Variants in VPS35L observed in about 807,000 individuals in gnomAD.
VPS35L encodes the protein VPS35 endosomal protein-sorting factor-like.
A neutral mutation model predicts 133.0 loss-of-function variants in VPS35L; 83 were observed. The observed-to-expected ratio is 0.62, with a 90% CI of 0.52 to 0.75. The LOEUF (loss-of-function observed/expected upper bound fraction) is 0.75, where lower values mean the gene tolerates loss of function less well. Among genes scored for constraint, VPS35L ranks in the 30% least tolerant of loss-of-function variants. VPS35L has a pLI of 0.00. For missense variants in VPS35L, 1,083 were observed against 1,206.8 expected, an observed-to-expected ratio of 0.90 and a Z score of 1.52; for synonymous variants, 423 against 449.9, an observed-to-expected ratio of 0.94 and a Z score of 0.76.
chr16:19,677,015 C>T (rs1975085724), intron 27 of VPS35L, among the ~76,000 whole-genome samples: 2 of 151,880 alleles, frequency 1.3e-5, no homozygotes, highest in Non-Finnish European at 2.9e-5. Context: ...AGTTCGAGAC[C>T]AGCCTGGGCA....
chr16:19,601,745 G>A (rs1347299285), intron 9 of VPS35L, 22 bp downstream of exon 9: 2 of 1,613,304 alleles, frequency 1.2e-6, no homozygotes, highest in Non-Finnish European at 1.7e-6. Context: ...GCTGTTCCTG[G>A]GGTGTCATTC....
At chr16:19,689,374 G>A (rs550382615) in intron 28 of VPS35L, among the ~76,000 whole-genome samples, 53 of 151,510 alleles carry the variant, frequency 3.5e-4, no homozygotes, top group African/African-American at 1.2e-3. Context: ...GCGTTCAAGC[G>A]ATTCTCCTGC....
chr16:19,564,758 TA>T, intron 1 of VPS35L, 92 bp from the exon 2 acceptor site: 1 of 876,090 alleles, frequency 1.1e-6, no homozygotes, highest in South Asian at 1.5e-5. Flanking sequence ...TGTGCTGTTC[TA>T]AACTACCTTG....
rs545631410 is a variant in VPS35L, at chr16:19,584,872, G to T, written c.639+3219G>T. On this transcript the variant is annotated intron_variant, in intron 7 of 30. Transcript: ENST00000417362. ...ATGCCCAGCCTATTTTTGTCTTTTT[G>T]ATAGTAGTCATTTTCATGTGGTTTT... is the stretch of plus-strand genomic sequence containing the variant. 5.9e-5 allele frequency among the ~76,000 whole-genome samples: 9 copies of T among 151,916 alleles called. No individual in the cohort carries two copies. The South Asian group carries it at 1.9e-3, about 32-fold the overall frequency.
At chr16:19,598,157 G>T (rs946577194) in intron 8 of VPS35L, among the ~76,000 whole-genome samples, 1 of 152,156 alleles carries the variant, frequency 6.6e-6, no homozygotes, top group Non-Finnish European at 1.5e-5. Context: ...GTAGAATGGG[G>T]CTATCGTAGA....
At chr16:19,648,990 T>C (rs1974042182) in intron 24 of VPS35L, among the ~76,000 whole-genome samples, 1 of 152,124 alleles carries the variant, frequency 6.6e-6, no homozygotes, top group Admixed American at 6.5e-5. Context: ...TAATACTTTT[T>C]TTTCCTTTTC....
At chr16:19,695,333 C>G (rs1377430740) in intron 29 of VPS35L, among the ~76,000 whole-genome samples, 1 of 152,174 alleles carries the variant, frequency 6.6e-6, no homozygotes, top group Non-Finnish European at 1.5e-5. Context: ...AAAATAAAGC[C>G]CAGAACCATA....
intron 28 of VPS35L, among the ~76,000 whole-genome samples, chr16:19,689,091 T>C (rs1385039652): frequency 6.8e-6 from 1 of 147,010 alleles, no homozygotes; most frequent in Non-Finnish European, 1.5e-5. Context: ...CAGGCTGGAG[T>C]GCAGGAGCGT....
At chr16:19,625,364 C>T (rs1973229044) in intron 14 of VPS35L, among the ~76,000 whole-genome samples, 1 of 152,100 alleles carries the variant, frequency 6.6e-6, no homozygotes, top group Non-Finnish European at 1.5e-5. Context: ...AGCTCTAGCC[C>T]AGTGTTTGTT....
chr16:19,578,344 A>G, intron 5 of VPS35L: 1 of 434,906 alleles, frequency 2.3e-6, no homozygotes, highest in South Asian at 1.6e-5. Context: ...ACCGCACTCC[A>G]GCGTGGACGA....
chr16:19,622,703 A>C (rs184998420), intron 14 of VPS35L, among the ~76,000 whole-genome samples: 1 of 152,248 alleles, frequency 6.6e-6, no homozygotes, highest in East Asian at 1.9e-4. Context: ...CAGTGTGATG[A>C]TTACACAGAA....
chr16:19,613,871 G>C (rs116699248), intron 12 of VPS35L, among the ~76,000 whole-genome samples: 11 of 152,278 alleles, frequency 7.2e-5, no homozygotes, highest in South Asian at 4.2e-4. Flanking sequence ...ACCAGCAATG[G>C]GGGGGATGAA....
rs151087219 is a variant in VPS35L at position 19,619,518 on chromosome 16, G to A, written c.1224+2710G>A. On this transcript the variant is annotated intron_variant, in intron 14 of 30. Transcript: ENST00000417362. Reference sequence around the variant, plus strand: ...CTGTTTTCTTGGTATTCCACTGAACGACGGAAACATACAAGCAGGATTGAC... The same window carrying A: ...CTGTTTTCTTGGTATTCCACTGAACAACGGAAACATACAAGCAGGATTGAC... Among the ~76,000 whole-genome samples the A allele has an allele frequency of 4.0e-3, 612 of 152,152 alleles. 1 individual carries two copies. Among genetic ancestry groups the A allele is most frequent in the Non-Finnish European group, 6.6e-3 (451 of 68,020 alleles).
intron 22 of VPS35L, among the ~76,000 whole-genome samples, chr16:19,643,101 A>G (rs972996677): frequency 6.6e-6 from 1 of 152,226 alleles, no homozygotes; most frequent in Non-Finnish European, 1.5e-5. Flanking sequence ...AACCATCAAC[A>G]AGATGAACTG....
chr16:19,600,518 T>G (rs1972349537), intron 8 of VPS35L, among the ~76,000 whole-genome samples: 1 of 152,202 alleles, frequency 6.6e-6, no homozygotes, highest in Non-Finnish European at 1.5e-5. Context: ...GTGGCAAAGA[T>G]GAGTCGTCAG....
chr16:19,571,531 A>T (rs925984955), intron 3 of VPS35L, among the ~76,000 whole-genome samples: 13 of 150,138 alleles, frequency 8.7e-5, no homozygotes, highest in South Asian at 4.2e-4. Context: ...TTTTTTTTTA[A>T]TTTATTTTAT....
chr16:19,569,255 A>T (rs770469731), intron 2 of VPS35L, 169 bp from the exon 3 acceptor site: 1 of 779,512 alleles, frequency 1.3e-6, no homozygotes, highest in Admixed American at 2.0e-5. Context: ...TGTGATCCTG[A>T]GTCATGTCCA....
intron 26 of VPS35L, among the ~76,000 whole-genome samples, chr16:19,659,081 G>A (rs1974398857): frequency 6.6e-6 from 1 of 152,098 alleles, no homozygotes; most frequent in African/African-American, 2.4e-5. Context: ...AGTGCACGTG[G>A]TTGCTGGAGG....
At chr16:19,612,891 A>AC (rs1234901240) in intron 12 of VPS35L, among the ~76,000 whole-genome samples, 3 of 152,054 alleles carry the variant, frequency 2.0e-5, no homozygotes, top group African/African-American at 4.8e-5. Flanking sequence ...GACAGAGCAG[A>AC]CCCCCCACAA....
Sources: allele counts gnomAD v4.1 joint callset (sites outside exome capture counted in the v4.1 genomes callset), GRCh38; gene constraint gnomAD v4.1.1; transcripts MANE v1.5; gene names NCBI Gene and HGNC (gene_info 2026-07-23, HGNC 2026-07-21).